SPATA7: variants seen among roughly 807,000 people sequenced by gnomAD.
SPATA7 encodes spermatogenesis-associated protein 7.
SPATA7 carries 43 observed loss-of-function variants against 51.8 expected under a neutral mutation model. The observed-to-expected ratio is 0.83, with a 90% CI of 0.65 to 1.07. SPATA7 has a LOEUF of 1.07. Ranked by LOEUF, SPATA7 falls within the 50% of genes least tolerant of loss-of-function variation. The pLI is 0.00. For missense variants in SPATA7, 683 were observed against 701.3 expected (o/e 0.97, Z 0.30); for synonymous variants, 230 against 252.8 (o/e 0.91, Z 0.86).
Position 88,416,786 on chromosome 14 carries a change from C to T in SPATA7, c.314C>T (p.Thr105Ile). 6.2e-7 allele frequency: 1 copy of T among 1,609,856 alleles called. No individual in the cohort carries two copies. The highest frequency in any genetic ancestry group is 2.2e-5 in the East Asian group (1 of 44,742). The change falls in exon 5 of 12, where the codon ACT becomes ATT. Residue 105 changes from threonine to isoleucine, a missense_variant. Physicochemically the swap from Thr to Ile is moderately conservative, Grantham distance 89. Coordinates refer to ENST00000393545, the MANE Select transcript of SPATA7 (RefSeq NM_018418.5). ...QCEKEFKLTK[T>I]AMRANYKNNS... is the part of the protein sequence containing the mutation. Reference sequence around the variant, plus strand: ...GAAAAAGAGTTCAAATTAACTAAAACTGCAATGCGAGCCAATTATAAAAAT... The same window carrying T: ...GAAAAAGAGTTCAAATTAACTAAAATTGCAATGCGAGCCAATTATAAAAAT...
Position 88,416,704 on chromosome 14 carries a change from C to T in SPATA7, c.239-7C>T. The T allele has an allele frequency of 6.2e-7, 1 of 1,612,568 alleles. No individual in the cohort carries two copies. Among genetic ancestry groups the T allele is most frequent in the Non-Finnish European group, 8.5e-7 (1 of 1,179,426 alleles). On this transcript the variant is annotated splice_polypyrimidine_tract_variant and splice_region_variant and intron_variant, in intron 4 of 11. Coordinates refer to ENST00000393545, the MANE Select transcript of SPATA7 (RefSeq NM_018418.5). ...CCATATTTTGAAAGATTTGTTTTCC[C>T]TTTTAGATGCAGACCAACAACGAAG...
In SPATA7 at chr14:88,393,452, AT is replaced by A; in HGVS notation, c.155del (p.Met52ArgfsTer15). ...CACTCTCCAGCTGGTCAAGAATCAC[AT>A]GGCTGTTCACTATAATAAAATCCTT... is the stretch of plus-strand genomic sequence containing the variant. ...LSTLQLVKNH[M>X]AVHYNKILSA... On this transcript the variant is annotated frameshift_variant, in exon 3 of 12. Coordinates refer to ENST00000393545, the MANE Select transcript of SPATA7 (RefSeq NM_018418.5). LOFTEE classifies it high-confidence loss of function. 1 of 1,605,332 alleles carries A rather than the reference AT, an allele frequency of 6.2e-7. No homozygotes were observed. Among genetic ancestry groups the A allele is most frequent in the Non-Finnish European group, 8.5e-7 (1 of 1,175,088 alleles).
chr14:88,437,863 TC>T lies in SPATA7; in HGVS notation c.1243del (p.Leu415Ter). 3 of 1,599,238 alleles carry T rather than the reference TC, an allele frequency of 1.9e-6. No homozygotes were observed. Among genetic ancestry groups the T allele is most frequent in the Non-Finnish European group, 2.6e-6 (3 of 1,174,476 alleles). On this transcript the variant is annotated frameshift_variant, in exon 12 of 12. Coordinates refer to ENST00000393545, the MANE Select transcript of SPATA7 (RefSeq NM_018418.5). LOFTEE classifies it low-confidence loss of function (END_TRUNC). ...EEEKMRHLLH[V>X]LKVDLGCTSE... The stretch of plus-strand genomic sequence containing the variant: ...GAAAAAATGCGCCACCTGCTGCATG[TC>T]CTGAAAGTAGACTTAGGCTGCACAT...
downstream of SPATA7, among the ~76,000 whole-genome samples, chr14:88,441,007 T>C (rs1180211593): frequency 6.6e-6 from 1 of 152,124 alleles, no homozygotes; most frequent in African/African-American, 2.4e-5. Context: ...GCCCCCAAAG[T>C]CCATTGTATT....
chr14:88,415,476 G>T (rs1168393693), intron 4 of SPATA7, among the ~76,000 whole-genome samples: 2 of 149,374 alleles, frequency 1.3e-5, no homozygotes, highest in Non-Finnish European at 2.9e-5. Context: ...ATAGTAGAAG[G>T]TTGGGTCTTG....
At chr14:88,439,472 T>A (rs1194089236), downstream of SPATA7, among the ~76,000 whole-genome samples, 1 of 152,240 alleles carries the variant, frequency 6.6e-6, no homozygotes, top group African/African-American at 2.4e-5. Flanking sequence ...GTGCCCATTA[T>A]GTACAAAGTT....
At chr14:88,440,577 A>G (rs1388897072), downstream of SPATA7, among the ~76,000 whole-genome samples, 1 of 149,820 alleles carries the variant, frequency 6.7e-6, no homozygotes, top group Non-Finnish European at 1.5e-5. Flanking sequence ...CAACATCTTT[A>G]TATCTTCCCC....
In SPATA7 at chr14:88,427,624, T is replaced by C. The variant is rs185259226; in HGVS notation, c.846-6T>C. ...ATTAACAATTATTTATTTTAAATTATTACAGCTTTAAATCTGAGTTGGGGA... is the reference window on the plus strand; with the variant it reads ...ATTAACAATTATTTATTTTAAATTACTACAGCTTTAAATCTGAGTTGGGGA... On this transcript the variant is annotated splice_polypyrimidine_tract_variant and splice_region_variant and intron_variant, in intron 6 of 11. Coordinates refer to ENST00000393545, the MANE Select transcript of SPATA7 (RefSeq NM_018418.5). 4.7e-5 allele frequency: 74 copies of C among 1,587,094 alleles called. No individual in the cohort carries two copies. The highest frequency in any genetic ancestry group is 1.7e-4 in the Middle Eastern group (1 of 5,824).
chr14:88,452,396 C>G (rs578078335), intron 3 of SPATA7, among the ~76,000 whole-genome samples: 1 of 152,274 alleles, frequency 6.6e-6, no homozygotes, highest in East Asian at 1.9e-4. Flanking sequence ...GTTTTGTGTT[C>G]GTTGGCCTCC....
chr14:88,434,474 C>G (rs1337899032), intron 10 of SPATA7, among the ~76,000 whole-genome samples: 3 of 152,040 alleles, frequency 2.0e-5, no homozygotes, highest in Non-Finnish European at 2.9e-5. Context: ...ATCACAAGGT[C>G]AGGAGTTCAA....
At chr14:88,438,886 A>G (rs556601980), downstream of SPATA7, among the ~76,000 whole-genome samples, 15 of 152,326 alleles carry the variant, frequency 9.8e-5, no homozygotes, top group South Asian at 3.1e-3. Context: ...GGAGTCTTAT[A>G]TAATGTAACA....
chr14:88,424,872 G>T (rs1007449173), intron 5 of SPATA7, among the ~76,000 whole-genome samples: 1 of 152,106 alleles, frequency 6.6e-6, no homozygotes, highest in African/African-American at 2.4e-5. Context: ...ATTTTAGATA[G>T]TAGTCACAAT....
At chr14:88,421,611 A>G (rs2076644114) in intron 5 of SPATA7, among the ~76,000 whole-genome samples, 1 of 152,184 alleles carries the variant, frequency 6.6e-6, no homozygotes, top group Admixed American at 6.5e-5. Flanking sequence ...ACATGATTCT[A>G]TGACAGCAGA....
intron 3 of SPATA7, among the ~76,000 whole-genome samples, chr14:88,445,618 G>C (rs2077206651): frequency 6.6e-6 from 1 of 151,536 alleles, no homozygotes; most frequent in South Asian, 2.1e-4. Context: ...TATTGGCTGT[G>C]GGTTTGTCAT....
At chr14:88,462,062 T>G (rs972583410) in intron 4 of SPATA7, among the ~76,000 whole-genome samples, 5 of 152,152 alleles carry the variant, frequency 3.3e-5, no homozygotes, top group Non-Finnish European at 7.3e-5. Flanking sequence ...CTTACCAAAA[T>G]CCTTTCAGGA....
chr14:88,446,551 T>C (rs2077214293), intron 3 of SPATA7, among the ~76,000 whole-genome samples: 1 of 151,248 alleles, frequency 6.6e-6, no homozygotes, highest in Admixed American at 6.6e-5. Flanking sequence ...GCTCTTGCTT[T>C]TCTAGTTCTT....
chr14:88,409,281 A>T lies in SPATA7; in HGVS notation c.239-7430A>T, dbSNP rs182671454. 2.1e-3 allele frequency among the ~76,000 whole-genome samples: 319 copies of T among 152,240 alleles called. 4 individuals are homozygous for T. Among genetic ancestry groups the T allele is most frequent in the African/African-American group, 7.3e-3 (302 of 41,536 alleles). On this transcript the variant is annotated intron_variant, in intron 4 of 11. Transcript: ENST00000393545. ...TACTGCCTCAATTTCAGAACTTGTT[A>T]TGGGTCTATTCAGGGATTCGACTTC...
intron 4 of SPATA7, among the ~76,000 whole-genome samples, chr14:88,411,736 T>G (rs1440783297): frequency 1.3e-5 from 2 of 152,074 alleles, no homozygotes; most frequent in Non-Finnish European, 2.9e-5. Flanking sequence ...TGTACCACAT[T>G]TTCTTTATCC....
Position 88,396,315 on chromosome 14 carries a change from C to T in SPATA7, c.238+112C>T, listed in dbSNP as rs1025684098. The T allele has an allele frequency of 2.2e-5, 16 of 736,804 alleles. No homozygotes were observed. In the East Asian group the frequency reaches 3.0e-4, roughly 14 times the overall value. The allele number at this position is 736,804 out of a possible 1,614,324, so 45.6% of individuals were successfully genotyped here. ...TAAGTGTCCAGTTCAATATTAAGTA[C>T]ATTAATATTGTGGTACAATGATAAC... On this transcript the variant is annotated intron_variant, in intron 4 of 11. Transcript: ENST00000393545.
Sources: gnomAD v4.1 joint callset for allele counts (sites outside exome capture counted in the v4.1 genomes callset) on GRCh38, gnomAD v4.1.1 for gene constraint, MANE v1.5 for transcripts, NCBI Gene and HGNC (gene_info 2026-07-23, HGNC 2026-07-21) for gene names.